C12orf42: variants seen among roughly 807,000 people sequenced by gnomAD.
C12orf42 encodes the protein uncharacterized protein C12orf42.
Under a neutral mutation model 21.6 loss-of-function variants are expected in C12orf42, and 25 were observed. The observed-to-expected ratio is 1.16, with a 90% confidence interval of 0.84 to 1.62. C12orf42 has a LOEUF of 1.62. Among genes scored for constraint, C12orf42 ranks in the 40% most tolerant of loss-of-function variants. The probability of loss-of-function intolerance (pLI) is 0.00; values close to 1 mark genes in which losing one functional copy is unlikely to be tolerated. For missense variants in C12orf42, 483 were observed against 459.3 expected, an observed-to-expected ratio of 1.05 and a Z score of -0.47; for synonymous variants, 174 against 175.0, an observed-to-expected ratio of 0.99 and a Z score of 0.05.
chr12:103,111,933 C>T, the C12orf42 span, among the ~76,000 whole-genome samples: 3 of 152,156 alleles, frequency 2.0e-5, no homozygotes, highest in Non-Finnish European at 4.4e-5. Flanking sequence ...AGAACAAACC[C>T]TGTCTATTCT....
the C12orf42 span, among the ~76,000 whole-genome samples, chr12:103,109,614 TTA>T: frequency 6.7e-6 from 1 of 148,868 alleles, no homozygotes; most frequent in East Asian, 1.9e-4. Context: ...TAATTAAATA[TTA>T]TATAATTTCT....
the C12orf42 span, among the ~76,000 whole-genome samples, chr12:103,531,461 C>T: frequency 1.3e-5 from 2 of 152,214 alleles, no homozygotes; most frequent in East Asian, 3.9e-4. Flanking sequence ...GAATCAAGGG[C>T]TGTTTCCCTT....
At chr12:103,112,331 A>G in the C12orf42 span, among the ~76,000 whole-genome samples, 12 of 152,158 alleles carry the variant, frequency 7.9e-5, no homozygotes, top group Non-Finnish European at 1.2e-4. Context: ...TACCTCATTC[A>G]TTTTGATAGG....
downstream of C12orf42, among the ~76,000 whole-genome samples, chr12:103,300,604 A>G (rs1379979698): frequency 6.6e-6 from 1 of 152,212 alleles, no homozygotes; most frequent in Non-Finnish European, 1.5e-5. Context: ...ACCATTACAA[A>G]TTTTTGGTTA....
chr12:103,417,066 G>C (rs943320332), intron 2 of C12orf42, among the ~76,000 whole-genome samples: 4 of 152,060 alleles, frequency 2.6e-5, no homozygotes, highest in African/African-American at 9.6e-5. Context: ...TCCAGGAAGA[G>C]TTTGTTTGAA....
chr12:103,553,522 C>A, the C12orf42 span, among the ~76,000 whole-genome samples: 18 of 152,180 alleles, frequency 1.2e-4, no homozygotes, highest in African/African-American at 4.3e-4. Flanking sequence ...GAAATCTCAA[C>A]CGTCTTCACC....
At chr12:103,444,078 T>A (rs1951428322) in intron 2 of C12orf42, among the ~76,000 whole-genome samples, 1 of 152,076 alleles carries the variant, frequency 6.6e-6, no homozygotes, top group South Asian at 2.1e-4. Flanking sequence ...TTACAAAAAT[T>A]AATTTTTGGT....
intron 2 of C12orf42, among the ~76,000 whole-genome samples, chr12:103,450,037 G>A (rs1592864866): frequency 6.6e-6 from 1 of 151,222 alleles, no homozygotes; most frequent in Admixed American, 6.6e-5. Flanking sequence ...TGAATTTTCT[G>A]TTTCTTGCTG....
intron 4 of C12orf42, among the ~76,000 whole-genome samples, chr12:103,346,029 T>G (rs936895514): frequency 1.3e-5 from 2 of 152,184 alleles, no homozygotes; most frequent in African/African-American, 4.8e-5. Flanking sequence ...CCATACTTCC[T>G]GAAATGAATT....
the C12orf42 span, among the ~76,000 whole-genome samples, chr12:103,070,373 T>C: frequency 6.6e-6 from 1 of 152,144 alleles, no homozygotes; most frequent in Non-Finnish European, 1.5e-5. Flanking sequence ...TCACCCACCC[T>C]GCAATATGCC....
the C12orf42 span, among the ~76,000 whole-genome samples, chr12:103,111,724 G>A: frequency 1.8e-4 from 27 of 152,074 alleles, no homozygotes; most frequent in African/African-American, 5.1e-4. Flanking sequence ...ATGCTCACTC[G>A]AAGCACCCTT....
At chr12:103,488,776 T>C (rs1478942681) in intron 1 of C12orf42, among the ~76,000 whole-genome samples, 2 of 152,266 alleles carry the variant, frequency 1.3e-5, no homozygotes, top group Admixed American at 1.3e-4. Flanking sequence ...CACGAAGTTT[T>C]CATGCCATGG....
chr12:103,416,176 G>T (rs1157932985), intron 2 of C12orf42, among the ~76,000 whole-genome samples: 1 of 151,288 alleles, frequency 6.6e-6, no homozygotes, highest in African/African-American at 2.4e-5. Context: ...ATTCTGTAGG[G>T]GTATGCACAT....
chr12:103,182,344 G>A, the C12orf42 span, among the ~76,000 whole-genome samples: 2 of 152,300 alleles, frequency 1.3e-5, no homozygotes, highest in Admixed American at 1.3e-4. Context: ...TACCAGCTGA[G>A]AACGGATTAG....
At chr12:103,498,988 T>C (rs1225918062), upstream of C12orf42, among the ~76,000 whole-genome samples, 2 of 151,750 alleles carry the variant, frequency 1.3e-5, no homozygotes, top group Admixed American at 1.3e-4. Context: ...TTTACCTATG[T>C]AACAAACCTG....
chr12:103,482,425 T>C (rs1359062322), intron 1 of C12orf42, among the ~76,000 whole-genome samples: 1 of 152,212 alleles, frequency 6.6e-6, no homozygotes, highest in African/African-American at 2.4e-5. Flanking sequence ...GTCAGTCTGT[T>C]GCCAATGCCT....
At chr12:103,391,644 A>G (rs1036415003) in intron 3 of C12orf42, among the ~76,000 whole-genome samples, 8 of 151,416 alleles carry the variant, frequency 5.3e-5, no homozygotes, top group Admixed American at 5.3e-4. Context: ...TTAATTCTTC[A>G]TATATTCTGG....
intron 5 of C12orf42, among the ~76,000 whole-genome samples, chr12:103,270,798 T>C (rs1397257413): frequency 6.9e-6 from 1 of 145,298 alleles, no homozygotes; most frequent in Non-Finnish European, 1.5e-5. Context: ...TTTTTAATGA[T>C]CTAAAACATC....
At chr12:103,271,321 A>C (rs1373663547) in intron 5 of C12orf42, among the ~76,000 whole-genome samples, 1 of 152,182 alleles carries the variant, frequency 6.6e-6, no homozygotes, top group Non-Finnish European at 1.5e-5. Context: ...GGGAAGATAC[A>C]ATGTTTAGAT....
Sources: gnomAD v4.1 joint callset for allele counts (sites outside exome capture counted in the v4.1 genomes callset) on GRCh38, gnomAD v4.1.1 for gene constraint, MANE v1.5 for transcripts, NCBI Gene and HGNC (gene_info 2026-07-23, HGNC 2026-07-21) for gene names.